THTPA: variants seen among roughly 807,000 people sequenced by gnomAD.
THTPA encodes thiamine-triphosphatase.
A neutral mutation model predicts 16.5 loss-of-function variants in THTPA; 16 were observed. That is an observed-to-expected ratio of 0.97 (90% CI 0.66 to 1.47). The LOEUF (loss-of-function observed/expected upper bound fraction) is 1.47, where lower values mean the gene tolerates loss of function less well. Ranked by LOEUF, THTPA falls within the 40% of genes most tolerant of loss-of-function variation. The probability of loss-of-function intolerance (pLI) is 0.00; values close to 1 mark genes in which losing one functional copy is unlikely to be tolerated. For synonymous variants in THTPA, 110 were observed against 115.5 expected (o/e 0.95, Z 0.30); for missense variants, 281 against 280.9 (o/e 1.00, Z 0.00).
chr14:23,525,264 CT>C, the THTPA span: 1 of 1,536,132 alleles, frequency 6.5e-7, no homozygotes, highest in Non-Finnish European at 8.7e-7. This position sits in a 1 kb window ranked among gnomAD's most constrained non-coding sequence, Gnocchi z 5.9. Context: ...CGGGTCCCCC[CT>C]GCCTCAGGCT....
At chr14:23,523,648 C>T in the THTPA span, 3 of 1,549,748 alleles carry the variant, frequency 1.9e-6, no homozygotes, top group African/African-American at 1.4e-5. This position sits in a 1 kb window ranked among gnomAD's most constrained non-coding sequence, Gnocchi z 4.1. Flanking sequence ...TCTCCTCTCC[C>T]AGCACCTCAC....
At chr14:23,525,487 A>G in the THTPA span, 6 of 1,535,850 alleles carry the variant, frequency 3.9e-6, no homozygotes, top group Non-Finnish European at 5.2e-6. The surrounding 1 kb of genome is among the most constrained non-coding windows in gnomAD (Gnocchi z 5.9). Context: ...AGAGTTTCCC[A>G]CAGGCCCCAC....
At chr14:23,532,319 C>T in the THTPA span, 1 of 424,502 alleles carries the variant, frequency 2.4e-6, no homozygotes, top group Non-Finnish European at 4.0e-6. Flanking sequence ...TACCACCCCT[C>T]CCTCCAGGGC....
the THTPA span, among the ~76,000 whole-genome samples, chr14:23,516,939 G>A: frequency 6.6e-6 from 1 of 152,212 alleles, no homozygotes; most frequent in Non-Finnish European, 1.5e-5. Flanking sequence ...GCCATTGTTT[G>A]TGTAAGAATA....
chr14:23,524,530 G>T, the THTPA span: 2 of 1,527,008 alleles, frequency 1.3e-6, no homozygotes, highest in Admixed American at 2.0e-5. The surrounding 1 kb of genome is among the most constrained non-coding windows in gnomAD (Gnocchi z 5.6). Flanking sequence ...GCAGATCTAG[G>T]AGTTGGGGGG....
At chr14:23,538,203 AGGTT>A in the THTPA span, 1 of 152,214 alleles carries the variant, frequency 6.6e-6, no homozygotes, top group African/African-American at 2.4e-5. Flanking sequence ...GGCCGAGGGT[AGGTT>A]GGCAGCTATT....
the THTPA span, chr14:23,526,859 C>G: frequency 6.5e-7 from 1 of 1,530,664 alleles, no homozygotes; most frequent in Admixed American, 2.0e-5. Flanking sequence ...GCTGCCTGGT[C>G]TCTGCTCGGT....
Position 23,556,991 on chromosome 14 carries a change from G to A in THTPA, c.234G>A (p.Glu78=), listed in dbSNP as rs1595213472. 2.5e-6 allele frequency: 4 copies of A among 1,614,212 alleles called. No individual in the cohort carries two copies. In the East Asian group the frequency reaches 8.9e-5, roughly 36 times the overall value. ...GAAGVLGPHT[E]YKELTAEPTI... is the part of the protein sequence containing the mutation. Reference sequence around the variant, plus strand: ...CAGGTGTCTTAGGACCCCACACGGAGTATAAGGAACTCACAGCGGAACCTA... The same window carrying A: ...CAGGTGTCTTAGGACCCCACACGGAATATAAGGAACTCACAGCGGAACCTA... Residue 78 remains glutamate, a synonymous_variant, in exon 1 of 2, where the codon GAG becomes GAA. Transcript: ENST00000288014.
the THTPA span, chr14:23,513,402 TGTATGTGTGTGTGC>T: frequency 2.0e-4 from 30 of 152,520 alleles, no homozygotes; most frequent in African/African-American, 7.0e-4. Context: ...CGTGTGTGTG[TGTATGTGTGTGTGC>T]GCGCATGTAC....
chr14:23,518,126 C>A, the THTPA span, among the ~76,000 whole-genome samples: 1 of 152,170 alleles, frequency 6.6e-6, no homozygotes, highest in African/African-American at 2.4e-5. This position sits in a 1 kb window ranked among gnomAD's most constrained non-coding sequence, Gnocchi z 4.5. Flanking sequence ...TTCCCTGCAG[C>A]CCCCTCTGCT....
At chr14:23,531,471 T>G in the THTPA span, 1 of 1,397,750 alleles carries the variant, frequency 7.2e-7, no homozygotes, top group Non-Finnish European at 9.4e-7. Context: ...TCCAGTCCCT[T>G]CTTCCTCACC....
At chr14:23,523,857 C>A in the THTPA span, 1 of 1,536,204 alleles carries the variant, frequency 6.5e-7, no homozygotes, top group South Asian at 1.2e-5. This position sits in a 1 kb window ranked among gnomAD's most constrained non-coding sequence, Gnocchi z 4.1. Flanking sequence ...TCACTCAGAT[C>A]TCCTGCAGAG....
In THTPA at chr14:23,558,690, T is replaced by C. The variant is rs1297237157; in HGVS notation, c.548-5T>C. 1.2e-6 allele frequency: 2 copies of C among 1,614,182 alleles called. No homozygotes were observed. Among genetic ancestry groups the C allele is most frequent in the Non-Finnish European group, 1.7e-6 (2 of 1,180,038 alleles). ...TTTCTCTCCTCATTGTCCTTTTACCTGTAGGTGTGCCTGCACAGGAGACAG... is the reference window on the plus strand; with the variant it reads ...TTTCTCTCCTCATTGTCCTTTTACCCGTAGGTGTGCCTGCACAGGAGACAG... On this transcript the variant is annotated splice_polypyrimidine_tract_variant and splice_region_variant and intron_variant, in intron 1 of 1. Transcript: ENST00000288014.
the THTPA span, chr14:23,531,370 C>T: frequency 2.7e-5 from 35 of 1,311,604 alleles, no homozygotes; most frequent in Admixed American, 2.7e-4. Context: ...GTATAGGTGG[C>T]CTACAGGCCC....
the THTPA span, chr14:23,520,879 T>C: frequency 1.3e-5 from 2 of 151,992 alleles, no homozygotes; most frequent in Non-Finnish European, 1.5e-5. This position sits in a 1 kb window ranked among gnomAD's most constrained non-coding sequence, Gnocchi z 8.7. Flanking sequence ...TCTTCCTTTT[T>C]TTTTTTTTCT....
the THTPA span, chr14:23,523,270 C>G: frequency 7.0e-7 from 1 of 1,436,908 alleles, no homozygotes; most frequent in African/African-American, 1.4e-5. The surrounding 1 kb of genome is among the most constrained non-coding windows in gnomAD (Gnocchi z 4.1). Context: ...AGAGGACCGG[C>G]GCCAGGCGAG....
chr14:23,527,798 A>G, the THTPA span: 12 of 1,535,592 alleles, frequency 7.8e-6, no homozygotes, highest in Non-Finnish European at 1.0e-5. Context: ...TATGGACAGC[A>G]GTATACCTGG....
the THTPA span, chr14:23,534,045 T>C: frequency 6.5e-7 from 1 of 1,533,416 alleles, no homozygotes; most frequent in African/African-American, 1.4e-5. The surrounding 1 kb of genome is among the most constrained non-coding windows in gnomAD (Gnocchi z 4.5). Flanking sequence ...CTGCAGGGGC[T>C]GGGGTGTAGT....
chr14:23,546,717 C>T, the THTPA span, among the ~76,000 whole-genome samples: 17 of 152,106 alleles, frequency 1.1e-4, no homozygotes, highest in African/African-American at 1.7e-4. This position sits in a 1 kb window ranked among gnomAD's most constrained non-coding sequence, Gnocchi z 4.7. Context: ...GTGAGGAGCT[C>T]GAGAAGAAAG....
Sources: allele counts gnomAD v4.1 joint callset (sites outside exome capture counted in the v4.1 genomes callset), GRCh38; gene constraint gnomAD v4.1.1; non-coding constraint Gnocchi (gnomAD v3.1); transcripts MANE v1.5; gene names NCBI Gene and HGNC (gene_info 2026-07-23, HGNC 2026-07-21).